BPTF: variants seen among roughly 807,000 people sequenced by gnomAD.
The protein encoded by BPTF is bromodomain PHD finger transcription factor, also known as nucleosome-remodeling factor subunit BPTF.
BPTF carries 18 observed loss-of-function variants against 292.5 expected under a neutral mutation model. The ratio of observed to expected loss-of-function variants is 0.06; its 90% CI spans 0.04 to 0.09. BPTF has a LOEUF of 0.09. BPTF is among the 10% of genes least tolerant of loss of function. The pLI is 1.00. For synonymous variants in BPTF, 1,225 were observed against 1,251.9 expected (o/e 0.98, Z 0.45); for missense variants, 2,726 against 3,498.7 (o/e 0.78, Z 5.57).
At chr17:67,832,110 A>G (rs1319656781) in intron 1 of BPTF, among the ~76,000 whole-genome samples, 1 of 151,978 alleles carries the variant, frequency 6.6e-6, no homozygotes, top group Non-Finnish European at 1.5e-5. Context: ...GGCTGGTCTC[A>G]AACTCCTGAC....
At chr17:67,976,602 C>T (rs2069455516) in intron 27 of BPTF, among the ~76,000 whole-genome samples, 1 of 148,452 alleles carries the variant, frequency 6.7e-6, no homozygotes, top group Admixed American at 6.8e-5. Flanking sequence ...AGGACGATCA[C>T]TTGTGCCCAG....
chr17:67,979,913 G>A (rs1302355382), intron 27 of BPTF, among the ~76,000 whole-genome samples: 5 of 151,816 alleles, frequency 3.3e-5, no homozygotes, highest in South Asian at 2.1e-4. Flanking sequence ...GGTGGTGCAC[G>A]CTTATAAGTC....
intron 18 of BPTF, among the ~76,000 whole-genome samples, chr17:67,932,454 T>C (rs958087419): frequency 2.0e-5 from 3 of 152,236 alleles, no homozygotes; most frequent in Non-Finnish European, 4.4e-5. Flanking sequence ...AATCCCACTT[T>C]GGAAGGCCAA....
intron 4 of BPTF, among the ~76,000 whole-genome samples, chr17:67,876,953 G>A (rs2060086879): frequency 1.3e-5 from 2 of 152,104 alleles, no homozygotes; most frequent in South Asian, 4.1e-4. Context: ...TGAGAGTGTT[G>A]GACAGCTGAA....
chr17:67,851,165 C>T (rs768123811), intron 1 of BPTF, among the ~76,000 whole-genome samples: 8 of 152,130 alleles, frequency 5.3e-5, no homozygotes, highest in Admixed American at 1.3e-4. Flanking sequence ...GTCTGGGACC[C>T]TAGCTCTTTT....
At chr17:67,858,076 G>T (rs1054080198) in intron 2 of BPTF, among the ~76,000 whole-genome samples, 8 of 152,064 alleles carry the variant, frequency 5.3e-5, no homozygotes, top group African/African-American at 1.9e-4. Context: ...GTGAGCCACC[G>T]TGCCCGGCTA....
intron 27 of BPTF, 53 bp downstream of exon 27, chr17:67,976,011 T>A (rs570325876): frequency 7.1e-7 from 1 of 1,407,594 alleles, no homozygotes; most frequent in East Asian, 2.3e-5. Flanking sequence ...ACACTCTTTA[T>A]ACTATTCTGT....
chr17:67,940,697 T>G, intron 19 of BPTF, 41 bp downstream of exon 19: 1 of 1,564,632 alleles, frequency 6.4e-7, no homozygotes. Context: ...GAGGTGATCT[T>G]ATTTATTCTT....
chr17:67,913,038 G>T lies in BPTF; in HGVS notation c.5154G>T (p.Lys1718Asn), dbSNP rs767818477. ...YRKFVTKSSK[K>N]SIFVLPNDDL... Reference sequence around the variant, plus strand: ...AATTTGTTACCAAGAGCAGCAAGAAGAGCATTTTTGTTTTGCCTAATGATG... The same window carrying T: ...AATTTGTTACCAAGAGCAGCAAGAATAGCATTTTTGTTTTGCCTAATGATG... Residue 1718 changes from lysine to asparagine, a missense_variant, in exon 11 of 28, where the codon AAG becomes AAT. Around this residue, in one of 22 missense-constraint regions of BPTF, gnomAD observed 24 missense variants for 57.5 expected, o/e 0.42. Coordinates refer to ENST00000306378, the MANE Select transcript of BPTF (RefSeq NM_182641.4). 1 of 1,614,068 alleles carries T rather than the reference G, an allele frequency of 6.2e-7. No homozygotes were observed.
chr17:67,859,502 G>T (rs113425565), intron 2 of BPTF, among the ~76,000 whole-genome samples: 48 of 152,302 alleles, frequency 3.2e-4, no homozygotes, highest in Non-Finnish European at 5.9e-4. Context: ...TCTCAAAGAG[G>T]TTAAATAATT....
At chr17:67,964,008 G>A (rs1463377257) in intron 24 of BPTF, among the ~76,000 whole-genome samples, 2 of 152,086 alleles carry the variant, frequency 1.3e-5, no homozygotes, top group African/African-American at 4.8e-5. Flanking sequence ...ATTACACAGT[G>A]TTCTTATAAA....
At chr17:67,875,603 G>T in intron 4 of BPTF, 2 of 1,591,174 alleles carry the variant, frequency 1.3e-6, no homozygotes, top group Non-Finnish European at 1.7e-6. Flanking sequence ...AGCAAATCTT[G>T]GCGACAACAC....
chr17:67,874,868 A>G lies in BPTF; in HGVS notation c.1712A>G (p.Lys571Arg). Residue 571 changes from lysine (K) to arginine (R), a missense_variant, in exon 4 of 28, where the codon AAA (lysine) becomes AGA (arginine). Around this residue, in one of 22 missense-constraint regions of BPTF, gnomAD observed 187 missense variants for 201.5 expected, o/e 0.93. Coordinates refer to ENST00000306378, the MANE Select transcript of BPTF (RefSeq NM_182641.4). ...AAAAAGGGAGACATTGATAATGTTA[A>G]AAGCCCAGAAGAAACAGAAAAAGAC... is the stretch of plus-strand genomic sequence containing the variant. ...RAKKGDIDNV[K>R]SPEETEKDKN... 1.2e-6 allele frequency: 2 copies of G among 1,613,750 alleles called. No individual in the cohort carries two copies. The highest frequency in any genetic ancestry group is 1.7e-6 in the Non-Finnish European group (2 of 1,179,890).
chr17:67,909,268 T>TCC (rs1224750645), intron 9 of BPTF, among the ~76,000 whole-genome samples: 23 of 78,860 alleles, frequency 2.9e-4, no homozygotes, highest in African/African-American at 9.4e-4. Context: ...CCGCACCAGG[T>TCC]CCCCCCCCCC....
intron 15 of BPTF, among the ~76,000 whole-genome samples, chr17:67,926,039 C>T (rs944053573): frequency 2.8e-5 from 3 of 107,564 alleles, no homozygotes; most frequent in African/African-American, 1.0e-4. Flanking sequence ...AGGTCTCACT[C>T]TCTTGCCCAG....
chr17:67,927,853 T>C (rs985372837), intron 15 of BPTF, among the ~76,000 whole-genome samples: 4 of 152,254 alleles, frequency 2.6e-5, no homozygotes, highest in Middle Eastern at 3.4e-3. Context: ...ATTAAAAATA[T>C]ATATATGGCC....
Position 67,982,307 on chromosome 17 carries a change from A to C in BPTF, c.*19A>C. 1 of 1,600,718 alleles carries C rather than the reference A, an allele frequency of 6.2e-7. No homozygotes were observed. Among genetic ancestry groups the C allele is most frequent in the Non-Finnish European group, 8.6e-7 (1 of 1,169,340 alleles). On this transcript the variant is annotated 3_prime_UTR_variant, in exon 28 of 28. Transcript: ENST00000306378. ...TTCTTAAAGTTCAGCGTGTTAACCT[A>C]ACATAAAACACAGCAAGAATCTGGT...
At chr17:67,878,681 CGTGT>C (rs61427510) in intron 4 of BPTF, among the ~76,000 whole-genome samples, 30,776 of 149,850 alleles carry the variant, frequency 0.21, 3,867 homozygotes, top group East Asian at 0.66. Context: ...TTTATGTGTT[CGTGT>C]GTGTGTGTGT....
chr17:67,966,487 G>T (rs2068112674), intron 25 of BPTF, 85 bp from the exon 26 acceptor site: 3 of 1,207,772 alleles, frequency 2.5e-6, no homozygotes, highest in South Asian at 2.6e-5. Context: ...TCACTTTTGG[G>T]TTCATTGATG....
Sources: allele counts gnomAD v4.1 joint callset (sites outside exome capture counted in the v4.1 genomes callset), GRCh38; gene constraint gnomAD v4.1.1; regional missense constraint gnomAD v4.1.1; transcripts MANE v1.5; gene names NCBI Gene and HGNC (gene_info 2026-07-23, HGNC 2026-07-21).